EPHA5: variants seen among roughly 807,000 people sequenced by gnomAD.
EPHA5 encodes the protein EPH receptor A5.
EPHA5 carries 60 observed loss-of-function variants against 105.0 expected under a neutral mutation model. The observed-to-expected ratio is 0.57, with a 90% CI of 0.46 to 0.71. EPHA5 has a LOEUF of 0.71. Among genes scored for constraint, EPHA5 ranks in the 30% least tolerant of loss-of-function variants. The pLI is 0.00. For synonymous variants in EPHA5, 513 were observed against 449.1 expected (o/e 1.14, Z -1.80); for missense variants, 1,218 against 1,274.7 (o/e 0.96, Z 0.68).
chr4:65,644,779 A>T (rs1747974707), intron 1 of EPHA5, among the ~76,000 whole-genome samples: 1 of 152,010 alleles, frequency 6.6e-6, no homozygotes, highest in South Asian at 2.1e-4. Flanking sequence ...GAAAGTATAT[A>T]ATAATGTTAG....
chr4:65,586,967 C>T (rs927382345), intron 3 of EPHA5, among the ~76,000 whole-genome samples: 1 of 152,116 alleles, frequency 6.6e-6, no homozygotes, highest in South Asian at 2.1e-4. Flanking sequence ...GATCAATCAT[C>T]AGAGAAGTAG....
At chr4:65,463,172 T>C (rs1316940308) in intron 5 of EPHA5, among the ~76,000 whole-genome samples, 2 of 152,176 alleles carry the variant, frequency 1.3e-5, no homozygotes, top group African/African-American at 2.4e-5. Context: ...TTACAATATA[T>C]GTGTTCCTGT....
chr4:65,511,874 T>C (rs903395188), intron 3 of EPHA5, among the ~76,000 whole-genome samples: 1 of 152,206 alleles, frequency 6.6e-6, no homozygotes, highest in Non-Finnish European at 1.5e-5. Flanking sequence ...TAGGTTTCCA[T>C]GTACATATGT....
At chr4:65,505,754 G>A (rs1732947288) in intron 3 of EPHA5, among the ~76,000 whole-genome samples, 1 of 152,136 alleles carries the variant, frequency 6.6e-6, no homozygotes, top group Non-Finnish European at 1.5e-5. Context: ...ACTAGCATTT[G>A]TAATTATTTT....
chr4:65,549,626 G>A (rs1400087815), intron 3 of EPHA5, among the ~76,000 whole-genome samples: 1 of 151,894 alleles, frequency 6.6e-6, no homozygotes. Context: ...AATTTGTAGG[G>A]CAACCCTTTA....
At chr4:65,624,420 C>A (rs566333841) in intron 2 of EPHA5, among the ~76,000 whole-genome samples, 31 of 152,120 alleles carry the variant, frequency 2.0e-4, no homozygotes, top group African/African-American at 7.2e-4. Context: ...GATGGATGTG[C>A]GACATGCTGC....
chr4:65,656,628 T>A (rs1749091370), intron 1 of EPHA5, among the ~76,000 whole-genome samples: 1 of 148,384 alleles, frequency 6.7e-6, no homozygotes, highest in Non-Finnish European at 1.5e-5. Context: ...GATTGTTTAT[T>A]TTTGAGAAAG....
At chr4:65,624,826 A>ATT (rs1305822297) in intron 2 of EPHA5, among the ~76,000 whole-genome samples, 1 of 152,156 alleles carries the variant, frequency 6.6e-6, no homozygotes, top group Non-Finnish European at 1.5e-5. Context: ...TGTACAAGTC[A>ATT]TTTTTCTACT....
chr4:65,509,269 C>T (rs1254432296), intron 3 of EPHA5, among the ~76,000 whole-genome samples: 5 of 152,064 alleles, frequency 3.3e-5, no homozygotes, highest in Admixed American at 3.3e-4. Context: ...AAAGTTTCAA[C>T]CAGGTAAACT....
chr4:65,328,273 T>A (rs899689589), intron 16 of EPHA5, among the ~76,000 whole-genome samples: 5 of 151,288 alleles, frequency 3.3e-5, no homozygotes, highest in Non-Finnish European at 7.4e-5. Flanking sequence ...AAGCTTCAAA[T>A]GTTATGAACT....
At position 65,473,690 on chromosome 4, in the gene EPHA5, A is replaced by T. The variant is rs553338309; in HGVS notation, c.1402+16687T>A. Among the ~76,000 whole-genome samples, 8 of 151,742 alleles carry T rather than the reference A, an allele frequency of 5.3e-5. No homozygotes were observed. The South Asian group carries it at 1.7e-3, about 32-fold the overall frequency. ...GGGATTATGGGGATTACAATTGAAGATGAGATTTATGTGGGGACACAGATC... is the reference window on the plus strand; with the variant it reads ...GGGATTATGGGGATTACAATTGAAGTTGAGATTTATGTGGGGACACAGATC... On this transcript the variant is annotated intron_variant, in intron 5 of 16. Coordinates refer to ENST00000613740, the MANE Select transcript of EPHA5 (RefSeq NM_001281766.3).
intron 2 of EPHA5, among the ~76,000 whole-genome samples, chr4:65,621,471 A>T (rs1560784238): frequency 2.6e-5 from 4 of 152,186 alleles, no homozygotes. Flanking sequence ...TTATGAATTA[A>T]TATTAAAGCC....
At chr4:65,592,347 G>A (rs563509706) in intron 3 of EPHA5, among the ~76,000 whole-genome samples, 33 of 152,054 alleles carry the variant, frequency 2.2e-4, no homozygotes, top group Non-Finnish European at 4.1e-4. Context: ...GGCCCTGCAA[G>A]CTCAGTGGGA....
At chr4:65,387,332 T>C (rs1720202370) in intron 8 of EPHA5, among the ~76,000 whole-genome samples, 1 of 151,950 alleles carries the variant, frequency 6.6e-6, no homozygotes, top group Non-Finnish European at 1.5e-5. Context: ...TGGAAACTGA[T>C]AGGAACAAAT....
At chr4:65,504,049 A>G (rs959213115) in intron 3 of EPHA5, among the ~76,000 whole-genome samples, 2 of 151,538 alleles carry the variant, frequency 1.3e-5, no homozygotes, top group South Asian at 2.1e-4. Flanking sequence ...AAATAAAATC[A>G]TAAATAAAAT....
intron 5 of EPHA5, among the ~76,000 whole-genome samples, chr4:65,424,998 G>A (rs1724288688): frequency 2.0e-5 from 3 of 151,846 alleles, no homozygotes; most frequent in Non-Finnish European, 4.4e-5. Flanking sequence ...TTTTTGTGTA[G>A]GCAGTAAATT....
intron 14 of EPHA5, among the ~76,000 whole-genome samples, chr4:65,339,899 A>G (rs1721546725): frequency 6.6e-6 from 1 of 152,184 alleles, no homozygotes; most frequent in Non-Finnish European, 1.5e-5. Flanking sequence ...CATGGTCCAC[A>G]CAGACAGTGG....
chr4:65,538,752 AC>A (rs1341112654), intron 3 of EPHA5, among the ~76,000 whole-genome samples: 2 of 151,612 alleles, frequency 1.3e-5, no homozygotes, highest in African/African-American at 4.8e-5. Context: ...TGAACATCGG[AC>A]TAACTTGGGC....
At chr4:65,347,324 A>T (rs1188411209) in intron 14 of EPHA5, among the ~76,000 whole-genome samples, 1 of 152,218 alleles carries the variant, frequency 6.6e-6, no homozygotes, top group East Asian at 1.9e-4. Context: ...AGCTGCTTTT[A>T]TAATTGTTGT....
Sources: allele counts gnomAD v4.1 joint callset (sites outside exome capture counted in the v4.1 genomes callset), GRCh38; gene constraint gnomAD v4.1.1; transcripts MANE v1.5; gene names NCBI Gene and HGNC (gene_info 2026-07-23, HGNC 2026-07-21).